The following FGF12 variants were observed in gnomAD, a reference collection of about 807,000 sequenced individuals.
FGF12 encodes the protein fibroblast growth factor 12B.
Under a neutral mutation model 23.6 loss-of-function variants are expected in FGF12, and 14 were observed. The observed-to-expected ratio is 0.59, with a 90% CI of 0.39 to 0.93. The LOEUF (loss-of-function observed/expected upper bound fraction) is 0.93, where lower values mean the gene tolerates loss of function less well. Among genes scored for constraint, FGF12 ranks in the 40% least tolerant of loss-of-function variants. FGF12 has a pLI of 0.00. For missense variants in FGF12, 175 were observed against 217.8 expected (o/e 0.80, Z 1.24); for synonymous variants, 62 against 77.3 (o/e 0.80, Z 1.04).
At chr3:192,456,013 C>G (rs1321071501) in intron 2 of FGF12, among the ~76,000 whole-genome samples, 2 of 152,050 alleles carry the variant, frequency 1.3e-5, no homozygotes, top group Admixed American at 1.3e-4. Flanking sequence ...CTTTTGGGTC[C>G]ATAATATGTT....
intron 2 of FGF12, among the ~76,000 whole-genome samples, chr3:192,491,834 T>C (rs187480538): frequency 7.9e-5 from 12 of 152,240 alleles, no homozygotes; most frequent in African/African-American, 2.4e-4. Flanking sequence ...GACAGGTAAT[T>C]ATGCACACTG....
intron 2 of FGF12, among the ~76,000 whole-genome samples, chr3:192,374,488 GATTT>G (rs1719384333): frequency 6.6e-6 from 1 of 152,074 alleles, no homozygotes; most frequent in Non-Finnish European, 1.5e-5. Flanking sequence ...ATGATTTGAA[GATTT>G]ATTATAGTTT....
chr3:192,426,524 C>A (rs191709412), intron 2 of FGF12, among the ~76,000 whole-genome samples: 2 of 152,284 alleles, frequency 1.3e-5, no homozygotes, highest in Non-Finnish European at 2.9e-5. Flanking sequence ...ATTTGGAAAT[C>A]TGTGTAGCTC....
intron 2 of FGF12, among the ~76,000 whole-genome samples, chr3:192,517,370 T>C (rs1374599621): frequency 6.6e-6 from 1 of 152,218 alleles, no homozygotes; most frequent in Non-Finnish European, 1.5e-5. Context: ...GGCTCTGTTA[T>C]TTGATTATAG....
chr3:192,350,903 G>C (rs1718190079), intron 3 of FGF12, among the ~76,000 whole-genome samples: 1 of 152,174 alleles, frequency 6.6e-6, no homozygotes. Flanking sequence ...CTGATGCGGG[G>C]AAGCTTTAAG....
At chr3:192,687,895 G>A (rs1717813038) in intron 2 of FGF12, among the ~76,000 whole-genome samples, 1 of 152,060 alleles carries the variant, frequency 6.6e-6, no homozygotes, top group African/African-American at 2.4e-5. Flanking sequence ...CATGCAGTCA[G>A]TCCTAGCCCC....
intron 2 of FGF12, among the ~76,000 whole-genome samples, chr3:192,696,153 C>CT (rs66508726): frequency 0.068 from 9,516 of 140,664 alleles, 475 homozygotes; most frequent in East Asian, 0.2. Context: ...CTAAGCTCAG[C>CT]TTTTTTTTTT....
chr3:192,482,238 C>T (rs1189039595), intron 2 of FGF12, among the ~76,000 whole-genome samples: 2 of 152,086 alleles, frequency 1.3e-5, no homozygotes, highest in African/African-American at 4.8e-5. Context: ...AAAATATAAA[C>T]ATATTCATAT....
chr3:192,493,292 T>C (rs1463700111), intron 2 of FGF12, among the ~76,000 whole-genome samples: 1 of 152,174 alleles, frequency 6.6e-6, no homozygotes, highest in Non-Finnish European at 1.5e-5. Flanking sequence ...TCTGTGAGTC[T>C]ACATATAAAA....
At chr3:192,594,331 T>G (rs1713749697) in intron 2 of FGF12, among the ~76,000 whole-genome samples, 1 of 151,966 alleles carries the variant, frequency 6.6e-6, no homozygotes, top group African/African-American at 2.4e-5. Context: ...TTAGCCTATA[T>G]TTGTTAAAGA....
intron 4 of FGF12, among the ~76,000 whole-genome samples, chr3:192,218,784 G>A (rs1286578347): frequency 2.6e-5 from 4 of 152,174 alleles, no homozygotes; most frequent in Non-Finnish European, 4.4e-5. Flanking sequence ...AAAAGAGGAA[G>A]AGCATTTTAA....
intron 4 of FGF12, among the ~76,000 whole-genome samples, chr3:192,214,047 T>A (rs1718069589): frequency 6.6e-6 from 1 of 152,218 alleles, no homozygotes; most frequent in African/African-American, 2.4e-5. Context: ...ACAAATATTA[T>A]AACGCTCGTT....
chr3:192,664,730 A>G lies in FGF12; in HGVS notation c.13+62451T>C, dbSNP rs1259886397. ...CAGTGAGCTGGGATCACGCCATTGC[A>G]CTCCAGCCTGGGCAACAGAGTGAGA... On this transcript the variant is annotated intron_variant, in intron 2 of 5. Transcript: ENST00000445105. 4.6e-5 allele frequency among the ~76,000 whole-genome samples: 7 copies of G among 152,056 alleles called. No individual in the cohort carries two copies. In the South Asian group the frequency reaches 1.0e-3, roughly 23 times the overall value.
chr3:192,246,865 GAGAGAAAGAA>G (rs1452806683), intron 4 of FGF12, among the ~76,000 whole-genome samples: 1 of 146,844 alleles, frequency 6.8e-6, no homozygotes, highest in Non-Finnish European at 1.5e-5. Flanking sequence ...AAGAGAGAGA[GAGAGAAAGAA>G]AGAGAGAGAA....
In FGF12 at chr3:192,520,737, A is replaced by G. The variant is rs544941548; in HGVS notation, c.14-160199T>C. On this transcript the variant is annotated intron_variant, in intron 2 of 5. Transcript: ENST00000445105. ...ATAGCTTGATAATCGTTATTCCCTC[A>G]TTATCCCTCCTGGCCAGTTCCTGTT... 7.2e-5 allele frequency among the ~76,000 whole-genome samples: 11 copies of G among 152,220 alleles called. No homozygotes were observed. The South Asian group carries it at 1.7e-3, about 23-fold the overall frequency.
chr3:192,189,967 C>CTATG (rs1165953952), intron 4 of FGF12, among the ~76,000 whole-genome samples: 1 of 151,778 alleles, frequency 6.6e-6, no homozygotes, highest in Non-Finnish European at 1.5e-5. Flanking sequence ...GTGGGGGAGA[C>CTATG]TATGTGAAAC....
chr3:192,626,724 C>A (rs1328608254), intron 2 of FGF12, among the ~76,000 whole-genome samples: 2 of 152,112 alleles, frequency 1.3e-5, no homozygotes, highest in African/African-American at 4.8e-5. Context: ...ACGGTCCTCC[C>A]ACCTCAGCCT....
At chr3:192,396,480 G>A (rs543785426) in intron 2 of FGF12, among the ~76,000 whole-genome samples, 1 of 152,354 alleles carries the variant, frequency 6.6e-6, no homozygotes, top group South Asian at 2.1e-4. Flanking sequence ...TGGTGTAGCA[G>A]TAAGGCATAG....
intron 4 of FGF12, among the ~76,000 whole-genome samples, chr3:192,206,402 C>T (rs13082674): frequency 0.11 from 17,188 of 152,236 alleles, 1,133 homozygotes; most frequent in African/African-American, 0.18. Flanking sequence ...ATAGAATCTA[C>T]TCAGTACGTT....
Sources: allele counts gnomAD v4.1 joint callset (sites outside exome capture counted in the v4.1 genomes callset), GRCh38; gene constraint gnomAD v4.1.1; transcripts MANE v1.5; gene names NCBI Gene and HGNC (gene_info 2026-07-23, HGNC 2026-07-21).